Variants in HSPA12A observed in about 807,000 individuals in gnomAD.
HSPA12A encodes heat shock protein family A (Hsp70) member 12A.
Under a neutral mutation model 69.2 loss-of-function variants are expected in HSPA12A, and 28 were observed. The observed-to-expected ratio is 0.40, with a 90% CI of 0.30 to 0.55. HSPA12A has a LOEUF of 0.55. HSPA12A is among the 20% of genes least tolerant of loss of function. The pLI is 0.38. For synonymous variants in HSPA12A, 345 were observed against 370.5 expected, an observed-to-expected ratio of 0.93 and a Z score of 0.79; for missense variants, 686 against 900.7, an observed-to-expected ratio of 0.76 and a Z score of 3.05.
chr10:116,766,842 A>T (rs1205872430), intron 2 of HSPA12A, among the ~76,000 whole-genome samples: 3 of 152,226 alleles, frequency 2.0e-5, no homozygotes, highest in African/African-American at 7.2e-5. Flanking sequence ...TCCTTTAAAT[A>T]AAATGCTAGG....
intron 1 of HSPA12A, among the ~76,000 whole-genome samples, chr10:116,712,085 A>C (rs1470116788): frequency 6.6e-6 from 1 of 152,190 alleles, no homozygotes; most frequent in Non-Finnish European, 1.5e-5. Context: ...TCTGGGAAAC[A>C]AACAGAAGAG....
intron 5 of HSPA12A, 44 bp downstream of exon 5, chr10:116,698,591 C>T (rs1554881172): frequency 6.6e-7 from 1 of 1,507,362 alleles, no homozygotes; most frequent in South Asian, 1.1e-5. Flanking sequence ...GCACGGGTGC[C>T]ACCGCCTAGC....
intron 2 of HSPA12A, among the ~76,000 whole-genome samples, chr10:116,782,707 A>G (rs1844490329): frequency 6.6e-6 from 1 of 152,234 alleles, no homozygotes; most frequent in Non-Finnish European, 1.5e-5. Flanking sequence ...TTTAAAAACA[A>G]GGGAATAAAT....
At chr10:116,740,579 G>C (rs1851455160) in intron 1 of HSPA12A, among the ~76,000 whole-genome samples, 1 of 151,938 alleles carries the variant, frequency 6.6e-6, no homozygotes, top group Admixed American at 6.6e-5. Flanking sequence ...AGCGGTGGCA[G>C]GTGGCTCGGC....
chr10:116,837,784 A>AT (rs1230690931), intron 1 of HSPA12A, among the ~76,000 whole-genome samples: 1 of 151,766 alleles, frequency 6.6e-6, no homozygotes, highest in Non-Finnish European at 1.5e-5. Context: ...AATAAAAGGT[A>AT]TTTTTATCTA....
chr10:116,801,580 C>T (rs1844955077), intron 2 of HSPA12A, among the ~76,000 whole-genome samples: 1 of 152,012 alleles, frequency 6.6e-6, no homozygotes, highest in Non-Finnish European at 1.5e-5. Context: ...TCAAGCATTC[C>T]CACGAGCGCA....
chr10:116,680,517 G>A (rs535244496), intron 9 of HSPA12A, among the ~76,000 whole-genome samples: 4 of 151,992 alleles, frequency 2.6e-5, no homozygotes, highest in East Asian at 1.9e-4. Context: ...TGAGAGTCTC[G>A]CTCTGTCACC....
chr10:116,757,316 A>T (rs559385466), intron 2 of HSPA12A, among the ~76,000 whole-genome samples: 95 of 152,164 alleles, frequency 6.2e-4, no homozygotes, highest in Non-Finnish European at 1.3e-3. Flanking sequence ...TCTCCCAGGG[A>T]GAAGCAGCTC....
chr10:116,729,461 G>A (rs1851085581), intron 1 of HSPA12A, among the ~76,000 whole-genome samples: 1 of 152,124 alleles, frequency 6.6e-6, no homozygotes, highest in Non-Finnish European at 1.5e-5. Context: ...ACGACATGAG[G>A]GTTAGGGGCA....
chr10:116,763,754 C>A (rs1035216608), intron 2 of HSPA12A, among the ~76,000 whole-genome samples: 1 of 152,132 alleles, frequency 6.6e-6, no homozygotes, highest in Admixed American at 6.5e-5. Context: ...CAAGATTCAA[C>A]TGAATTGGAA....
chr10:116,788,154 C>A (rs1175155836), intron 2 of HSPA12A, among the ~76,000 whole-genome samples: 1 of 152,174 alleles, frequency 6.6e-6, no homozygotes, highest in East Asian at 1.9e-4. Context: ...CTACTCTGGC[C>A]GAGCCGACCA....
At chr10:116,816,648 G>A (rs1845311845) in intron 2 of HSPA12A, among the ~76,000 whole-genome samples, 2 of 152,168 alleles carry the variant, frequency 1.3e-5, no homozygotes, top group Admixed American at 6.5e-5. Flanking sequence ...ATCCAATTCC[G>A]ATGGTTGCAG....
chr10:116,849,760 C>G, upstream of HSPA12A: 1 of 1,477,418 alleles, frequency 6.8e-7, no homozygotes, highest in Non-Finnish European at 9.0e-7. Context: ...CGCTCTCCTC[C>G]CGCCAACCCC....
At chr10:116,702,579 C>T (rs1554881764) in intron 3 of HSPA12A, among the ~76,000 whole-genome samples, 2 of 152,152 alleles carry the variant, frequency 1.3e-5, no homozygotes, top group African/African-American at 4.8e-5. Flanking sequence ...CCAAAGTCCC[C>T]GAGGTGACCG....
intron 2 of HSPA12A, among the ~76,000 whole-genome samples, chr10:116,811,946 A>G (rs987472777): frequency 1.3e-5 from 2 of 152,182 alleles, no homozygotes; most frequent in African/African-American, 4.8e-5. Context: ...GGCGGTGAGC[A>G]GCAGTCACCC....
At chr10:116,803,408 C>A (rs972549927) in intron 2 of HSPA12A, among the ~76,000 whole-genome samples, 1 of 152,208 alleles carries the variant, frequency 6.6e-6, no homozygotes, top group Non-Finnish European at 1.5e-5. Context: ...ATCCCATGGG[C>A]AAGGACCCAG....
At chr10:116,766,534 C>G (rs1481215893) in intron 2 of HSPA12A, among the ~76,000 whole-genome samples, 1 of 152,188 alleles carries the variant, frequency 6.6e-6, no homozygotes, top group Non-Finnish European at 1.5e-5. Context: ...AGCTGCCCCA[C>G]AGCCCTCACA....
chr10:116,845,219 C>T (rs1467002206), intron 1 of HSPA12A, among the ~76,000 whole-genome samples: 1 of 152,032 alleles, frequency 6.6e-6, no homozygotes, highest in Non-Finnish European at 1.5e-5. Flanking sequence ...AATATAAATG[C>T]CTCTAGAAAC....
At chr10:116,804,136 T>C (rs1002906037) in intron 2 of HSPA12A, among the ~76,000 whole-genome samples, 1 of 152,132 alleles carries the variant, frequency 6.6e-6, no homozygotes, top group Admixed American at 6.5e-5. Flanking sequence ...CCTCTTGTCC[T>C]TCCTCCCTCC....
Sources: gnomAD v4.1 joint callset for allele counts (sites outside exome capture counted in the v4.1 genomes callset) on GRCh38, gnomAD v4.1.1 for gene constraint, MANE v1.5 for transcripts, NCBI Gene and HGNC (gene_info 2026-07-23, HGNC 2026-07-21) for gene names.